BNC2: variants seen among roughly 807,000 people sequenced by gnomAD.
The protein encoded by BNC2 is zinc finger protein basonuclin-2.
A neutral mutation model predicts 76.3 loss-of-function variants in BNC2; 20 were observed. That is an observed-to-expected ratio of 0.26 (90% CI 0.18 to 0.38). BNC2 has a LOEUF of 0.38. BNC2 is among the 10% of genes least tolerant of loss of function. The probability of loss-of-function intolerance (pLI) is 1.00; values close to 1 mark genes in which losing one functional copy is unlikely to be tolerated. For synonymous variants in BNC2, 582 were observed against 514.8 expected, an observed-to-expected ratio of 1.13 and a Z score of -1.77; for missense variants, 1,382 against 1,399.8, an observed-to-expected ratio of 0.99 and a Z score of 0.20.
Position 16,437,046 on chromosome 9 carries a change from T to A in BNC2, c.1148A>T (p.Asn383Ile). ...PTPYKNDQTP[N>I]RNALTSITNV... ...AGTAATGCTGGTCAGGGCATTTCTA[T>A]TGGGTGTTTGATCATTCTTATAAGG... is the stretch of plus-strand genomic sequence containing the variant. Residue 383 changes from asparagine (N) to isoleucine (I), a missense_variant, in exon 6 of 7, where the codon AAT becomes ATT. Physicochemically the swap from Asn to Ile is moderately radical, Grantham distance 149. Transcript: ENST00000380672. 6.2e-7 allele frequency: 1 copy of A among 1,614,068 alleles called. No individual in the cohort carries two copies. Among genetic ancestry groups the A allele is most frequent in the Non-Finnish European group, 8.5e-7 (1 of 1,180,004 alleles).
intron 6 of BNC2, among the ~76,000 whole-genome samples, chr9:16,431,245 C>G (rs41313973): frequency 0.081 from 12,323 of 152,158 alleles, 517 homozygotes; most frequent in Middle Eastern, 0.15. Flanking sequence ...TATTAGGAAA[C>G]AGAACAGAGG....
At chr9:16,801,872 T>C (rs1362677563) in intron 1 of BNC2, among the ~76,000 whole-genome samples, 3 of 152,136 alleles carry the variant, frequency 2.0e-5, no homozygotes, top group Non-Finnish European at 4.4e-5. Flanking sequence ...AAACTTCTCC[T>C]TCTCTGTGGT....
intron 3 of BNC2, among the ~76,000 whole-genome samples, chr9:16,678,265 TTC>T (rs1822714400): frequency 2.3e-5 from 3 of 130,406 alleles, no homozygotes; most frequent in Admixed American, 8.3e-5. Flanking sequence ...TTCTTTCTTT[TTC>T]TTTTTTTTTT....
At chr9:16,509,947 T>C (rs1043059742) in intron 5 of BNC2, among the ~76,000 whole-genome samples, 1 of 152,236 alleles carries the variant, frequency 6.6e-6, no homozygotes, top group African/African-American at 2.4e-5. Context: ...TGAGTGCAAG[T>C]ATTTTTGAAG....
At chr9:16,721,985 C>T (rs562010878) in intron 3 of BNC2, among the ~76,000 whole-genome samples, 2 of 152,288 alleles carry the variant, frequency 1.3e-5, no homozygotes, top group African/African-American at 4.8e-5. Flanking sequence ...TAGCTATTCA[C>T]GTTTACAAGG....
chr9:16,666,476 A>C (rs891246573), intron 3 of BNC2, among the ~76,000 whole-genome samples: 1 of 152,248 alleles, frequency 6.6e-6, no homozygotes, highest in Non-Finnish European at 1.5e-5. Context: ...CAACAGCTTA[A>C]AAACACACGC....
At chr9:16,507,040 C>A (rs576600996) in intron 5 of BNC2, among the ~76,000 whole-genome samples, 1 of 152,250 alleles carries the variant, frequency 6.6e-6, no homozygotes, top group East Asian at 1.9e-4. Context: ...AGGCATGAGC[C>A]ACCAAGCCCA....
At chr9:16,478,402 TGAA>T (rs927096803) in intron 5 of BNC2, among the ~76,000 whole-genome samples, 4 of 152,212 alleles carry the variant, frequency 2.6e-5, no homozygotes, top group South Asian at 4.1e-4. Flanking sequence ...AAGTGATCTG[TGAA>T]GAAGGAGATA....
intron 4 of BNC2, among the ~76,000 whole-genome samples, chr9:16,564,535 C>T (rs933701007): frequency 3.3e-5 from 5 of 152,076 alleles, no homozygotes; most frequent in African/African-American, 1.2e-4. Context: ...GATCATTTGC[C>T]CCTAGGAATC....
chr9:16,862,119 A>G (rs1819425579), intron 1 of BNC2, among the ~76,000 whole-genome samples: 2 of 152,216 alleles, frequency 1.3e-5, no homozygotes, highest in Admixed American at 6.5e-5. Flanking sequence ...AGTTCCTCAA[A>G]AAGTTATAAG....
intron 3 of BNC2, among the ~76,000 whole-genome samples, chr9:16,664,868 T>C (rs1002186256): frequency 5.0e-5 from 1 of 20,108 alleles, no homozygotes; most frequent in Admixed American, 4.2e-4. Context: ...GCTTCACCTA[T>C]ACCATAAGCA....
chr9:16,582,499 T>C (rs1819652947), intron 4 of BNC2, among the ~76,000 whole-genome samples: 1 of 152,164 alleles, frequency 6.6e-6, no homozygotes, highest in Non-Finnish European at 1.5e-5. Context: ...CAAATAATGT[T>C]CCCGTTCACT....
In BNC2 at chr9:16,866,545, A is replaced by G. The variant is rs1285281404; in HGVS notation, c.3+4101T>C. Among the ~76,000 whole-genome samples, 7 of 152,076 alleles carry G rather than the reference A, an allele frequency of 4.6e-5. No homozygotes were observed. In the South Asian group the frequency reaches 6.2e-4, roughly 14 times the overall value. ...TAGTTAGTCAAACCAAAACATTTAA[A>G]ATATAGTATCTGGTTGCATTTTGCC... On this transcript the variant is annotated intron_variant, in intron 1 of 6. Coordinates refer to ENST00000380672, the MANE Select transcript of BNC2 (RefSeq NM_017637.6).
At chr9:16,571,480 T>C (rs1323747266) in intron 4 of BNC2, among the ~76,000 whole-genome samples, 3 of 152,174 alleles carry the variant, frequency 2.0e-5, no homozygotes, top group Admixed American at 6.6e-5. Flanking sequence ...TCGGTTTATG[T>C]AGCCGAAAGC....
chr9:16,704,585 T>C (rs902261189), intron 3 of BNC2, among the ~76,000 whole-genome samples: 1 of 136,380 alleles, frequency 7.3e-6, no homozygotes, highest in Non-Finnish European at 1.6e-5. Flanking sequence ...AAAAAAAAAG[T>C]ACCATTCTAA....
intron 5 of BNC2, among the ~76,000 whole-genome samples, chr9:16,470,917 G>A (rs1587067247): frequency 6.6e-6 from 1 of 152,348 alleles, no homozygotes; most frequent in African/African-American, 2.4e-5. Flanking sequence ...GGAGCTGTGA[G>A]AAGAGGGCCA....
chr9:16,418,664 C>CTG lies in BNC2; in HGVS notation c.*323_*324dup, dbSNP rs139823578. Reference sequence around the variant, plus strand: ...TGTCAAAACTGGGGCTAGTTGCACACTGTGTGTGTGTGTGTGTGTGTGTGT... The same window carrying CTG: ...TGTCAAAACTGGGGCTAGTTGCACACTGTGTGTGTGTGTGTGTGTGTGTGTGT... On this transcript the variant is annotated 3_prime_UTR_variant, in exon 7 of 7. Coordinates refer to ENST00000380672, the MANE Select transcript of BNC2 (RefSeq NM_017637.6). The CTG allele has an allele frequency of 0.31, 65,965 of 213,388 alleles. 10,079 individuals are homozygous for CTG. The highest frequency in any genetic ancestry group is 0.41 in the East Asian group (3,130 of 7,700). The allele number at this position is 213,388 out of a possible 1,614,324, so 13.2% of individuals were successfully genotyped here. A position where few individuals can be genotyped will look rare whatever the true frequency, so the allele number is the denominator to read the frequency against.
At chr9:16,762,317 C>A (rs946060349) in intron 1 of BNC2, among the ~76,000 whole-genome samples, 6 of 152,164 alleles carry the variant, frequency 3.9e-5, no homozygotes, top group African/African-American at 1.4e-4. Context: ...GTACAAAATG[C>A]CTTTGAACAC....
rs571399874 is a variant in BNC2 at position 16,788,422 on chromosome 9, A to G, written c.4-49937T>C. Among the ~76,000 whole-genome samples, 297 of 152,060 alleles carry G rather than the reference A, an allele frequency of 2.0e-3. 1 individual carries two copies. Among genetic ancestry groups the G allele is most frequent in the Middle Eastern group, 6.8e-3 (2 of 294 alleles). On this transcript the variant is annotated intron_variant, in intron 1 of 6. Transcript: ENST00000380672. ...CAAAAAATTAGCCGGGCGTGGTGGT[A>G]GGCTCCTGTAATTCCAGCTACTCGG...
Sources: allele counts gnomAD v4.1 joint callset (sites outside exome capture counted in the v4.1 genomes callset), GRCh38; gene constraint gnomAD v4.1.1; transcripts MANE v1.5; gene names NCBI Gene and HGNC (gene_info 2026-07-23, HGNC 2026-07-21).